Variants in HDX observed in about 807,000 individuals in gnomAD.
HDX encodes the protein chromosome X open reading frame 43.
Under a neutral mutation model 45.2 loss-of-function variants are expected in HDX, and 19 were observed. The ratio of observed to expected loss-of-function variants is 0.42; its 90% CI spans 0.29 to 0.62. The LOEUF is 0.62. Ranked by LOEUF, HDX falls within the 20% of genes least tolerant of loss-of-function variation. The pLI, the probability that HDX is intolerant of heterozygous loss-of-function variation, is 0.20. For synonymous variants in HDX, 188 were observed against 172.8 expected, an observed-to-expected ratio of 1.09 and a Z score of -0.69; for missense variants, 532 against 493.9, an observed-to-expected ratio of 1.08 and a Z score of -0.73.
chrX:84,482,349 G>T (rs932146243), intron 2 of HDX, among the ~76,000 whole-genome samples: 1 of 111,529 alleles, frequency 9.0e-6, no homozygotes, highest in African/African-American at 3.3e-5. Context: ...TTCCAAGACT[G>T]GGAACTTATA....
rs748379180 is a variant in HDX at position 84,346,570 on chromosome X, G to T, written c.1453-2113C>A. On this transcript the variant is annotated intron_variant, in intron 6 of 10. Coordinates refer to ENST00000373177, the MANE Select transcript of HDX (RefSeq NM_001177479.2). ...AAACAGAATAGAGAACCCAGAAATG[G>T]TCTTACACAAGTATGACCAGCTTAG... Among the ~76,000 whole-genome samples the T allele has an allele frequency of 2.7e-5, 3 of 111,181 alleles. No individual in the cohort carries two copies. The East Asian group carries it at 8.5e-4, about 32-fold the overall frequency.
At chrX:84,442,641 A>G (rs1190505244) in intron 4 of HDX, among the ~76,000 whole-genome samples, 2 of 110,829 alleles carry the variant, frequency 1.8e-5, no homozygotes, top group South Asian at 3.7e-4. Flanking sequence ...TATCCCACCA[A>G]TGTGTGTTAG....
At chrX:84,338,497 A>G (rs1248805146) in intron 7 of HDX, among the ~76,000 whole-genome samples, 1 of 110,622 alleles carries the variant, frequency 9.0e-6, no homozygotes, top group Non-Finnish European at 1.9e-5. Context: ...AAAATCCTGA[A>G]TAGAGTACAC....
intron 5 of HDX, among the ~76,000 whole-genome samples, chrX:84,388,546 A>G (rs1375053510): frequency 6.3e-5 from 7 of 111,376 alleles, no homozygotes; most frequent in African/African-American, 2.3e-4. Flanking sequence ...GATTTAAGGA[A>G]CTTGTCTTTG....
intron 8 of HDX, among the ~76,000 whole-genome samples, chrX:84,335,872 CA>C (rs1271025382): frequency 9.1e-6 from 1 of 110,074 alleles, no homozygotes; most frequent in Admixed American, 9.8e-5. Context: ...TGTTATTTAA[CA>C]AAAAAATAGC....
intron 1 of HDX, among the ~76,000 whole-genome samples, chrX:84,495,094 C>G (rs1207581282): frequency 9.3e-6 from 1 of 107,055 alleles, no homozygotes; most frequent in Non-Finnish European, 1.9e-5. Context: ...AAGCCAGGCA[C>G]AGAAAGACAA....
At chrX:84,400,075 AG>A (rs1240833181) in intron 5 of HDX, among the ~76,000 whole-genome samples, 1 of 111,002 alleles carries the variant, frequency 9.0e-6, no homozygotes, top group Non-Finnish European at 1.9e-5. Flanking sequence ...AAATATTAGG[AG>A]CTATTTTATG....
intron 4 of HDX, among the ~76,000 whole-genome samples, chrX:84,441,106 A>T (rs1415710295): frequency 9.1e-6 from 1 of 110,464 alleles, no homozygotes; most frequent in Non-Finnish European, 1.9e-5. Flanking sequence ...ATAATAATAA[A>T]ATAAAACAGT....
intron 5 of HDX, among the ~76,000 whole-genome samples, chrX:84,363,617 C>G (rs1220792900): frequency 9.0e-6 from 1 of 111,576 alleles, no homozygotes. Context: ...TGTTAAGAAG[C>G]ATATAGGGGA....
chrX:84,471,233 T>C (rs1172975767), intron 3 of HDX, among the ~76,000 whole-genome samples: 1 of 89,067 alleles, frequency 1.1e-5, no homozygotes, highest in African/African-American at 4.3e-5. Flanking sequence ...ATCCCCATTA[T>C]GTGTTCTCTC....
chrX:84,373,596 G>A (rs902000640), intron 5 of HDX, among the ~76,000 whole-genome samples: 6 of 110,213 alleles, frequency 5.4e-5, no homozygotes, highest in African/African-American at 2.0e-4. Context: ...GATGAAGGCT[G>A]GTTTAATATA....
At chrX:84,471,767 CTT>C (rs1329862704) in intron 3 of HDX, among the ~76,000 whole-genome samples, 2 of 110,119 alleles carry the variant, frequency 1.8e-5, no homozygotes, top group African/African-American at 6.6e-5. Flanking sequence ...CTCACTCTGA[CTT>C]TCATGAAACA....
At chrX:84,323,728 GA>G (rs1053872448) in intron 10 of HDX, among the ~76,000 whole-genome samples, 9 of 111,634 alleles carry the variant, frequency 8.1e-5, no homozygotes, top group Non-Finnish European at 1.5e-4. Context: ...ATTTGCAACT[GA>G]AAAAAATCTT....
At chrX:84,373,559 C>T (rs985348694) in intron 5 of HDX, among the ~76,000 whole-genome samples, 1 of 110,411 alleles carries the variant, frequency 9.1e-6, no homozygotes, top group East Asian at 2.9e-4. Context: ...AGCTTATCCA[C>T]CATGATCAAG....
At chrX:84,398,812 TG>T (rs1371365103) in intron 5 of HDX, among the ~76,000 whole-genome samples, 1 of 111,930 alleles carries the variant, frequency 8.9e-6, no homozygotes, top group Admixed American at 9.5e-5. Flanking sequence ...ATCACGTAAT[TG>T]GAAGTAAAAC....
At chrX:84,358,811 C>T (rs1160107508) in intron 6 of HDX, among the ~76,000 whole-genome samples, 1 of 111,787 alleles carries the variant, frequency 8.9e-6, no homozygotes, top group Non-Finnish European at 1.9e-5. Context: ...ATCCTTCCAC[C>T]TCAGCCTTCT....
At chrX:84,480,589 G>C (rs953246406) in intron 2 of HDX, among the ~76,000 whole-genome samples, 5 of 110,564 alleles carry the variant, frequency 4.5e-5, no homozygotes, top group Non-Finnish European at 9.5e-5. Context: ...ATTGAATTTT[G>C]TTAAATGCTT....
intron 5 of HDX, among the ~76,000 whole-genome samples, chrX:84,415,386 C>T (rs1428840866): frequency 1.8e-5 from 2 of 111,617 alleles, no homozygotes; most frequent in Non-Finnish European, 3.8e-5. Flanking sequence ...AGGAACAGCC[C>T]TTCATTCTGG....
intron 9 of HDX, among the ~76,000 whole-genome samples, chrX:84,331,683 T>C (rs2036845253): frequency 9.0e-6 from 1 of 111,508 alleles, no homozygotes; most frequent in Admixed American, 9.5e-5. Context: ...AGCTGAAAAA[T>C]TTCTATCACC....
Sources: allele counts gnomAD v4.1 joint callset (sites outside exome capture counted in the v4.1 genomes callset), GRCh38; gene constraint gnomAD v4.1.1; transcripts MANE v1.5; gene names NCBI Gene and HGNC (gene_info 2026-07-23, HGNC 2026-07-21).